The following ZC3H18 variants were observed in gnomAD, a reference collection of about 807,000 sequenced individuals.
The protein encoded by ZC3H18 is zinc finger CCCH domain-containing protein 18.
A neutral mutation model predicts 106.1 loss-of-function variants in ZC3H18; 8 were observed. That is an observed-to-expected ratio of 0.08 (90% CI 0.04 to 0.14). ZC3H18 has a LOEUF of 0.14. Among genes scored for constraint, ZC3H18 ranks in the 10% least tolerant of loss-of-function variants. The pLI is 1.00. For synonymous variants in ZC3H18, 635 were observed against 522.1 expected, an observed-to-expected ratio of 1.22 and a Z score of -2.95; for missense variants, 1,318 against 1,278.4, an observed-to-expected ratio of 1.03 and a Z score of -0.47.
chr16:88,618,052 C>T (rs191344773), intron 8 of ZC3H18, among the ~76,000 whole-genome samples: 2 of 152,354 alleles, frequency 1.3e-5, no homozygotes, highest in African/African-American at 2.4e-5. Context: ...GTTGAACGCA[C>T]AGAAGGCGCA....
chr16:88,588,247 C>T (rs1472864504), intron 3 of ZC3H18, among the ~76,000 whole-genome samples: 2 of 152,216 alleles, frequency 1.3e-5, no homozygotes, highest in African/African-American at 4.8e-5. Context: ...AATCTGTACA[C>T]ATGTACGTGT....
chr16:88,605,507 G>C (rs897563464), intron 6 of ZC3H18, among the ~76,000 whole-genome samples: 1 of 152,238 alleles, frequency 6.6e-6, no homozygotes, highest in African/African-American at 2.4e-5. Flanking sequence ...TTGGGTCTCT[G>C]CAGCAAGCAG....
chr16:88,628,636 G>A (rs1484709480), intron 15 of ZC3H18, 122 bp from the exon 16 acceptor site: 1 of 1,027,986 alleles, frequency 9.7e-7, no homozygotes, highest in African/African-American at 1.6e-5. Context: ...GGTCTCATGG[G>A]TGTGTGGTGG....
chr16:88,630,284 T>C, intron 16 of ZC3H18: 1 of 536,938 alleles, frequency 1.9e-6, no homozygotes, highest in Non-Finnish European at 3.3e-6. Flanking sequence ...AGGTTTGGCC[T>C]CAGCCTCATT....
chr16:88,626,294 A>G (rs554312512), intron 13 of ZC3H18: 9 of 152,218 alleles, frequency 5.9e-5, no homozygotes, highest in African/African-American at 1.9e-4. Flanking sequence ...GTGTGTGCCT[A>G]TGATCCCAGC....
intron 7 of ZC3H18, among the ~76,000 whole-genome samples, chr16:88,609,829 G>T (rs1033248994): frequency 6.6e-6 from 1 of 152,116 alleles, no homozygotes; most frequent in African/African-American, 2.4e-5. Flanking sequence ...TCAAACTTCC[G>T]ATCTCAGGTG....
At chr16:88,592,765 A>G (rs995412291) in intron 3 of ZC3H18, among the ~76,000 whole-genome samples, 2 of 152,224 alleles carry the variant, frequency 1.3e-5, no homozygotes, top group African/African-American at 4.8e-5. Flanking sequence ...TAATAACAGT[A>G]AGGCTGAGCC....
At chr16:88,630,706 T>G in intron 17 of ZC3H18, 125 bp downstream of exon 17, 2 of 679,240 alleles carry the variant, frequency 2.9e-6, no homozygotes, top group South Asian at 1.8e-5. Flanking sequence ...CAGCTCCTGC[T>G]GGTCTGACGG....
At chr16:88,606,510 A>C (rs1905017900) in intron 6 of ZC3H18, among the ~76,000 whole-genome samples, 1 of 152,212 alleles carries the variant, frequency 6.6e-6, no homozygotes, top group African/African-American at 2.4e-5. Context: ...TTGTCAGAGA[A>C]CACACGCCTC....
chr16:88,575,060 A>C (rs1369343926), intron 1 of ZC3H18, among the ~76,000 whole-genome samples: 1 of 146,188 alleles, frequency 6.8e-6, no homozygotes, highest in Non-Finnish European at 1.5e-5. Flanking sequence ...CGATCTCCTG[A>C]CCTCGTGATC....
intron 8 of ZC3H18, among the ~76,000 whole-genome samples, chr16:88,614,955 C>G (rs529448569): frequency 1.3e-5 from 2 of 151,958 alleles, no homozygotes; most frequent in Non-Finnish European, 2.9e-5. Context: ...TCTGCCTGGA[C>G]GGGCTGCCCC....
intron 11 of ZC3H18, 69 bp from the exon 12 acceptor site, chr16:88,624,533 G>T: frequency 6.2e-7 from 1 of 1,609,996 alleles, no homozygotes; most frequent in East Asian, 2.2e-5. Flanking sequence ...TGGGTCCATT[G>T]AAAGGGGATG....
intron 15 of ZC3H18, among the ~76,000 whole-genome samples, chr16:88,628,390 A>C (rs1190876558): frequency 6.6e-6 from 1 of 152,176 alleles, no homozygotes; most frequent in Non-Finnish European, 1.5e-5. Flanking sequence ...CCTGCCATGC[A>C]GTCTCAACAC....
intron 1 of ZC3H18, among the ~76,000 whole-genome samples, chr16:88,572,291 C>T (rs957344516): frequency 6.6e-6 from 1 of 152,350 alleles, no homozygotes; most frequent in South Asian, 2.1e-4. Context: ...AGGGAGGTAG[C>T]ACCTGCTCTT....
chr16:88,572,826 C>T (rs943047080), intron 1 of ZC3H18, among the ~76,000 whole-genome samples: 4 of 151,964 alleles, frequency 2.6e-5, no homozygotes, highest in African/African-American at 9.7e-5. Flanking sequence ...GGCATGATCT[C>T]GGCTCACTGC....
chr16:88,604,492 C>T (rs1035218798), intron 6 of ZC3H18, among the ~76,000 whole-genome samples: 3 of 152,180 alleles, frequency 2.0e-5, no homozygotes, highest in South Asian at 2.1e-4. Flanking sequence ...TGAGACCGTT[C>T]TGGCTAACAT....
chr16:88,585,123 A>C (rs1915361148), intron 2 of ZC3H18, among the ~76,000 whole-genome samples: 1 of 152,208 alleles, frequency 6.6e-6, no homozygotes, highest in South Asian at 2.1e-4. Flanking sequence ...GCATAAATTA[A>C]ACATGCCTTC....
At chr16:88,602,760 G>T (rs1456896216) in intron 6 of ZC3H18, among the ~76,000 whole-genome samples, 2 of 152,140 alleles carry the variant, frequency 1.3e-5, no homozygotes, top group South Asian at 2.1e-4. Context: ...CAATCCTCGC[G>T]CCTGAGCCTC....
intron 1 of ZC3H18, among the ~76,000 whole-genome samples, chr16:88,574,066 G>C (rs922396081): frequency 6.6e-6 from 1 of 151,930 alleles, no homozygotes; most frequent in Non-Finnish European, 1.5e-5. Flanking sequence ...GTAGAGACAA[G>C]GTTTCACCAT....
Sources: gnomAD v4.1 joint callset for allele counts (sites outside exome capture counted in the v4.1 genomes callset) on GRCh38, gnomAD v4.1.1 for gene constraint, MANE v1.5 for transcripts, NCBI Gene and HGNC (gene_info 2026-07-23, HGNC 2026-07-21) for gene names.